The following PTPRD variants were observed in gnomAD, a reference collection of about 807,000 sequenced individuals.
PTPRD encodes the protein protein tyrosine phosphatase receptor type D.
A neutral mutation model predicts 214.5 loss-of-function variants in PTPRD; 34 were observed. The observed-to-expected ratio is 0.16, with a 90% CI of 0.12 to 0.21. PTPRD has a LOEUF of 0.21. Ranked by LOEUF, PTPRD falls within the 10% of genes least tolerant of loss-of-function variation. The pLI is 1.00. For missense variants in PTPRD, 2,545 were observed against 2,398.7 expected, an observed-to-expected ratio of 1.06 and a Z score of -1.27; for synonymous variants, 1,128 against 845.7, an observed-to-expected ratio of 1.33 and a Z score of -5.79.
At chr9:9,599,623 C>A (rs1319750886) in intron 7 of PTPRD, among the ~76,000 whole-genome samples, 2 of 151,476 alleles carry the variant, frequency 1.3e-5, no homozygotes, top group Non-Finnish European at 2.9e-5. Context: ...TGAGTAATTT[C>A]CACAAATTTA....
At chr9:9,744,907 TG>T (rs1187855242) in intron 6 of PTPRD, among the ~76,000 whole-genome samples, 3 of 152,018 alleles carry the variant, frequency 2.0e-5, no homozygotes, top group African/African-American at 7.2e-5. Context: ...ATCATTTGCA[TG>T]TAGTTCTAAT....
rs115107091 is a variant in PTPRD, at chr9:8,635,919, A to T, written c.210+780T>A. The stretch of plus-strand genomic sequence containing the variant: ...TTTCTAAACCATCAGCCTTCTCACA[A>T]ACACTCAAAAAAAGAATCTTTGATT... On this transcript the variant is annotated intron_variant, in intron 13 of 45. Transcript: ENST00000381196. Among the ~76,000 whole-genome samples the T allele has an allele frequency of 1.2e-3, 184 of 152,230 alleles. 2 individuals carry two copies. Among genetic ancestry groups the T allele is most frequent in the African/African-American group, 4.3e-3 (178 of 41,546 alleles).
intron 14 of PTPRD, among the ~76,000 whole-genome samples, chr9:8,596,902 T>C (rs995852371): frequency 1.3e-5 from 2 of 152,118 alleles, no homozygotes; most frequent in Admixed American, 6.5e-5. Flanking sequence ...ATTTAATAAA[T>C]GGTGCATACA....
intron 10 of PTPRD, among the ~76,000 whole-genome samples, chr9:9,166,654 C>CTCAGA (rs942937168): frequency 1.3e-5 from 2 of 152,160 alleles, no homozygotes; most frequent in African/African-American, 4.8e-5. Context: ...TTAGGCTTAG[C>CTCAGA]TCAGATATTA....
chr9:10,119,748 C>A (rs60104452), intron 3 of PTPRD, among the ~76,000 whole-genome samples: 21,463 of 151,794 alleles, frequency 0.14, 1,616 homozygotes, highest in South Asian at 0.27. Context: ...TCTGTTAGAA[C>A]AAAAATTTAT....
intron 4 of PTPRD, among the ~76,000 whole-genome samples, chr9:9,976,371 C>T (rs996437155): frequency 5.3e-5 from 8 of 151,790 alleles, no homozygotes; most frequent in African/African-American, 1.9e-4. Context: ...ATGCATCATC[C>T]AGGTGATTAA....
chr9:9,783,998 A>G (rs1373653395), intron 5 of PTPRD, among the ~76,000 whole-genome samples: 1 of 152,070 alleles, frequency 6.6e-6, no homozygotes, highest in Non-Finnish European at 1.5e-5. Context: ...TTGGTGAGTC[A>G]TGATAAAGCT....
At chr9:8,697,417 CTTTTTTTTTTTTTT>C (rs752677458) in intron 12 of PTPRD, among the ~76,000 whole-genome samples, 1 of 63,242 alleles carries the variant, frequency 1.6e-5, no homozygotes, top group Non-Finnish European at 3.0e-5. Context: ...TTTTTATGTA[CTTTTTTTTTTTTTT>C]TTTTTTTTTG....
At chr9:9,708,459 C>T (rs1468510904) in intron 7 of PTPRD, among the ~76,000 whole-genome samples, 1 of 152,034 alleles carries the variant, frequency 6.6e-6, no homozygotes, top group Non-Finnish European at 1.5e-5. Flanking sequence ...ACTGGATTCA[C>T]ATTACATAGT....
chr9:9,823,085 G>A (rs1310892100), intron 5 of PTPRD, among the ~76,000 whole-genome samples: 2 of 152,024 alleles, frequency 1.3e-5, no homozygotes, highest in Non-Finnish European at 2.9e-5. Flanking sequence ...ATCAATGGAT[G>A]GACAGATAAA....
chr9:10,265,049 G>A (rs1481676919), intron 3 of PTPRD, among the ~76,000 whole-genome samples: 1 of 152,138 alleles, frequency 6.6e-6, no homozygotes, highest in African/African-American at 2.4e-5. Flanking sequence ...CAGTCATGGG[G>A]AACTGAGTCC....
chr9:9,670,676 G>A (rs1222309240), intron 7 of PTPRD, among the ~76,000 whole-genome samples: 2 of 152,202 alleles, frequency 1.3e-5, no homozygotes, highest in African/African-American at 2.4e-5. Context: ...GCCTGCCATG[G>A]CTGAAAGTGG....
At chr9:8,557,720 G>A (rs1304453818) in intron 14 of PTPRD, among the ~76,000 whole-genome samples, 227 of 140,210 alleles carry the variant, frequency 1.6e-3, no homozygotes, top group African/African-American at 5.8e-3. Context: ...TCCAGCCTGG[G>A]TGACAGAGCG....
intron 8 of PTPRD, among the ~76,000 whole-genome samples, chr9:9,438,156 T>C (rs1225247851): frequency 1.3e-5 from 2 of 152,176 alleles, no homozygotes; most frequent in Non-Finnish European, 2.9e-5. Flanking sequence ...TCACTTTCAC[T>C]TGATAATCTC....
At chr9:8,912,315 C>A (rs180674820) in intron 11 of PTPRD, among the ~76,000 whole-genome samples, 81 of 152,130 alleles carry the variant, frequency 5.3e-4, no homozygotes, top group Admixed American at 1.2e-3. Flanking sequence ...GGAGTAATAA[C>A]GAGCAATGAA....
Position 9,643,455 on chromosome 9 carries a change from G to C in PTPRD, c.-286-68674C>G, listed in dbSNP as rs1471466638. 3.3e-5 allele frequency among the ~76,000 whole-genome samples: 5 copies of C among 152,090 alleles called. No individual in the cohort carries two copies. The East Asian group carries it at 9.6e-4, about 29-fold the overall frequency. Reference sequence around the variant, plus strand: ...AGCTTTTTCATCTGCACCTGTTATGGTGGAGATGATTCTAGAATGAGCAGA... The same window carrying C: ...AGCTTTTTCATCTGCACCTGTTATGCTGGAGATGATTCTAGAATGAGCAGA... On this transcript the variant is annotated intron_variant, in intron 7 of 45. Coordinates refer to ENST00000381196, the MANE Select transcript of PTPRD (RefSeq NM_002839.4).
chr9:9,626,810 A>G (rs2095438498), intron 7 of PTPRD, among the ~76,000 whole-genome samples: 1 of 152,178 alleles, frequency 6.6e-6, no homozygotes, highest in East Asian at 1.9e-4. Context: ...ACAAACACAA[A>G]TTTAGACATT....
At chr9:8,503,396 G>T (rs2097459814) in intron 23 of PTPRD, among the ~76,000 whole-genome samples, 2 of 151,990 alleles carry the variant, frequency 1.3e-5, no homozygotes, top group South Asian at 4.2e-4. Flanking sequence ...ATCACACAAA[G>T]AAATCTAAGA....
chr9:10,070,042 G>T (rs73641842), intron 3 of PTPRD, among the ~76,000 whole-genome samples: 4 of 151,960 alleles, frequency 2.6e-5, no homozygotes, highest in Admixed American at 2.6e-4. Context: ...CAAATTTTTG[G>T]TGTGAAGCAG....
Sources: gnomAD v4.1 joint callset for allele counts (sites outside exome capture counted in the v4.1 genomes callset) on GRCh38, gnomAD v4.1.1 for gene constraint, MANE v1.5 for transcripts, NCBI Gene and HGNC (gene_info 2026-07-23, HGNC 2026-07-21) for gene names.